CNNM1: variants seen among roughly 807,000 people sequenced by gnomAD.
The protein encoded by CNNM1 is cyclin and CBS domain divalent metal cation transport mediator 1, also known as metal transporter CNNM1.
In CNNM1, 44 loss-of-function variants were observed where a neutral mutation model predicts 78.8. The observed-to-expected ratio is 0.56, with a 90% CI of 0.44 to 0.72. The LOEUF is 0.72. CNNM1 is among the 30% of genes least tolerant of loss of function. The pLI, the probability that CNNM1 is intolerant of heterozygous loss-of-function variation, is 0.00. For missense variants in CNNM1, 1,101 were observed against 1,292.2 expected (o/e 0.85, Z 2.27); for synonymous variants, 584 against 581.5 (o/e 1.00, Z -0.06).
Position 99,388,247 on chromosome 10 carries a change from G to C in CNNM1, c.2620G>C (p.Glu874Gln), listed in dbSNP as rs1029554394. ...FTQEEMTDFE[E>Q]HSTQQLTLSP... is the part of the protein sequence containing the mutation. ...CCAGGAAGAAATGACTGACTTCGAG[G>C]AGCACAGCACACAGCAGCTCACGCT... The change falls in exon 9 of 11, where the codon GAG becomes CAG. Residue 874 changes from glutamate (E) to glutamine (Q), a missense_variant. By Grantham distance (29) the Glu-to-Gln change is conservative. Transcript: ENST00000356713. 5.6e-6 allele frequency: 9 copies of C among 1,613,974 alleles called. No individual in the cohort carries two copies. Among genetic ancestry groups the C allele is most frequent in the Non-Finnish European group, 7.6e-6 (9 of 1,179,898 alleles).
At chr10:99,338,892 AG>A (rs2030317231) in intron 1 of CNNM1, among the ~76,000 whole-genome samples, 1 of 152,196 alleles carries the variant, frequency 6.6e-6, no homozygotes, top group Non-Finnish European at 1.5e-5. Flanking sequence ...TAGTTTCCTC[AG>A]GGTTGAGTGC....
chr10:99,358,602 C>A (rs1382675195), intron 2 of CNNM1, among the ~76,000 whole-genome samples: 2 of 152,028 alleles, frequency 1.3e-5, no homozygotes, highest in African/African-American at 2.4e-5. Flanking sequence ...TCCTTTTAGA[C>A]AAAGAAGAGA....
At chr10:99,381,470 G>A (rs1394441656) in intron 7 of CNNM1, among the ~76,000 whole-genome samples, 14 of 144,550 alleles carry the variant, frequency 9.7e-5, no homozygotes, top group East Asian at 6.3e-4. Flanking sequence ...GGCCAGGCGC[G>A]GTGGCTCACA....
intron 6 of CNNM1, among the ~76,000 whole-genome samples, chr10:99,366,506 G>A (rs965218558): frequency 8.6e-5 from 13 of 152,044 alleles, no homozygotes; most frequent in East Asian, 1.9e-4. Flanking sequence ...TGCTGTGGCC[G>A]GGCATGGTGG....
chr10:99,378,575 G>A (rs1171181511), intron 7 of CNNM1, among the ~76,000 whole-genome samples: 2 of 152,248 alleles, frequency 1.3e-5, no homozygotes, highest in Non-Finnish European at 2.9e-5. Context: ...ACCATGGAAT[G>A]TTGCCAGAGG....
At chr10:99,368,372 G>A (rs2031691098) in intron 6 of CNNM1, 1 of 331,406 alleles carries the variant, frequency 3.0e-6, no homozygotes, top group Admixed American at 3.8e-5. Context: ...ATTCCAAGAT[G>A]TGTTGCACAT....
Position 99,393,497 on chromosome 10 carries a change from C to G in CNNM1, c.*1981C>G, listed in dbSNP as rs893183266. The G allele has an allele frequency of 2.0e-5, 3 of 152,234 alleles. No homozygotes were observed. Among genetic ancestry groups the G allele is most frequent in the Non-Finnish European group, 4.4e-5 (3 of 67,982 alleles). The allele number at this position is 152,234 out of a possible 1,614,324, so 9.4% of individuals were successfully genotyped here. A position where few individuals can be genotyped will look rare whatever the true frequency, so the allele number is the denominator to read the frequency against. On this transcript the variant is annotated 3_prime_UTR_variant, in exon 11 of 11. Transcript: ENST00000356713. ...AAGGTTCTCAAAGGTCTCAGACCTACAAAGAGTTAAAACAAACAGACAAAC... is the reference window on the plus strand; with the variant it reads ...AAGGTTCTCAAAGGTCTCAGACCTAGAAAGAGTTAAAACAAACAGACAAAC...
At chr10:99,336,750 T>C (rs2030206303) in intron 1 of CNNM1, among the ~76,000 whole-genome samples, 1 of 152,190 alleles carries the variant, frequency 6.6e-6, no homozygotes, top group African/African-American at 2.4e-5. Context: ...GTGGATCATT[T>C]GAGGTCAGGA....
rs368956713 is a variant in CNNM1, at chr10:99,392,849, T to C, written c.*1333T>C. The C allele has an allele frequency of 4.7e-3, 720 of 152,762 alleles. 16 individuals are homozygous for C. The South Asian group carries it at 0.078, about 16-fold the overall frequency. 9.5% of individuals were successfully genotyped at this position (152,762 alleles called of 1,614,324 possible). A position where few individuals can be genotyped will look rare whatever the true frequency, so the allele number is the denominator to read the frequency against. ...CTCCTGGGCATGTAGTCCCAGCTACTCGGGAGGCTGAGGCAGGAGAATCGC... is the reference window on the plus strand; with the variant it reads ...CTCCTGGGCATGTAGTCCCAGCTACCCGGGAGGCTGAGGCAGGAGAATCGC... On this transcript the variant is annotated 3_prime_UTR_variant, in exon 11 of 11. Coordinates refer to ENST00000356713, the MANE Select transcript of CNNM1 (RefSeq NM_020348.3).
chr10:99,351,100 C>T (rs1051110089), intron 1 of CNNM1, among the ~76,000 whole-genome samples: 1 of 152,162 alleles, frequency 6.6e-6, no homozygotes, highest in Non-Finnish European at 1.5e-5. Context: ...TATGTCGATA[C>T]GAGGTAGTGA....
At chr10:99,361,749 T>A (rs976570185) in intron 3 of CNNM1, among the ~76,000 whole-genome samples, 1 of 152,232 alleles carries the variant, frequency 6.6e-6, no homozygotes, top group African/African-American at 2.4e-5. Context: ...GATGCAATGA[T>A]GCCTCACATT....
intron 7 of CNNM1, among the ~76,000 whole-genome samples, chr10:99,380,650 G>A (rs963628404): frequency 6.6e-6 from 1 of 152,018 alleles, no homozygotes; most frequent in Admixed American, 6.5e-5. Context: ...AATTAGCCAG[G>A]CATGGTGGCA....
intron 1 of CNNM1, among the ~76,000 whole-genome samples, chr10:99,349,476 C>G (rs2134030901): frequency 6.6e-6 from 1 of 152,260 alleles, no homozygotes; most frequent in South Asian, 2.1e-4. Context: ...GTAGGGTAGT[C>G]TTGACCAGGA....
chr10:99,352,400 C>A (rs971831449), intron 1 of CNNM1, among the ~76,000 whole-genome samples: 2 of 152,166 alleles, frequency 1.3e-5, no homozygotes, highest in Non-Finnish European at 2.9e-5. Context: ...GTTTTCATTT[C>A]TCTAAAAGTA....
chr10:99,377,267 G>C (rs1014572307), intron 7 of CNNM1, 49 bp downstream of exon 7: 10 of 1,576,320 alleles, frequency 6.3e-6, no homozygotes, highest in African/African-American at 1.3e-5. Flanking sequence ...GGCAGTGTTG[G>C]CTGGCTGAGC....
rs2862600 is a variant in CNNM1 at position 99,330,671 on chromosome 10, T to G, written c.1284T>G (p.Val428=). 1,357,419 of 1,613,880 alleles carry G rather than the reference T, an allele frequency of 0.84. 572,240 individuals carry two copies. The highest frequency in any genetic ancestry group is 0.94 in the African/African-American group (70,817 of 75,026). ...IQGALELRTK[V]VEEVLTPLGD... is the part of the protein sequence containing the mutation. ...GTGCCCTGGAGCTGCGCACCAAAGT[T>G]GTGGAGGAGGTGCTGACCCCCCTGG... Residue 428 remains valine, a synonymous_variant, in exon 1 of 11, where the codon GTT becomes GTG. Transcript: ENST00000356713.
Position 99,349,259 on chromosome 10 carries a change from A to G in CNNM1, c.1574-8253A>G, listed in dbSNP as rs181967363. ...AGAATCACCTGAAGAAGTTTTAAACATTCCAGTGTCCCAGCCTCATCCAAG... is the reference window on the plus strand; with the variant it reads ...AGAATCACCTGAAGAAGTTTTAAACGTTCCAGTGTCCCAGCCTCATCCAAG... On this transcript the variant is annotated intron_variant, in intron 1 of 10. Coordinates refer to ENST00000356713, the MANE Select transcript of CNNM1 (RefSeq NM_020348.3). Among the ~76,000 whole-genome samples, 19 of 152,330 alleles carry G rather than the reference A, an allele frequency of 1.2e-4. 1 individual carries two copies. The East Asian group carries it at 3.1e-3, about 25-fold the overall frequency.
intron 5 of CNNM1, 68 bp downstream of exon 5, chr10:99,364,584 G>A (rs2031551505): frequency 7.9e-7 from 1 of 1,261,074 alleles, no homozygotes; most frequent in South Asian, 1.4e-5. Context: ...AGGGGTTCAA[G>A]TCTTGACTCC....
intron 7 of CNNM1, among the ~76,000 whole-genome samples, chr10:99,385,222 G>A (rs1330125214): frequency 6.6e-6 from 1 of 152,074 alleles, no homozygotes; most frequent in Non-Finnish European, 1.5e-5. Context: ...ACTTATAGGG[G>A]CCCTGAGCCA....
Sources: gnomAD v4.1 joint callset for allele counts (sites outside exome capture counted in the v4.1 genomes callset) on GRCh38, gnomAD v4.1.1 for gene constraint, MANE v1.5 for transcripts, NCBI Gene and HGNC (gene_info 2026-07-23, HGNC 2026-07-21) for gene names.